The following NBEA variants were observed in gnomAD, a reference collection of about 807,000 sequenced individuals.
NBEA encodes the protein neurobeachin.
Under a neutral mutation model 343.4 loss-of-function variants are expected in NBEA, and 44 were observed. The ratio of observed to expected loss-of-function variants is 0.13; its 90% CI spans 0.10 to 0.16. The LOEUF is 0.16. NBEA is among the 10% of genes least tolerant of loss of function. NBEA has a pLI of 1.00. For synonymous variants in NBEA, 1,175 were observed against 1,238.7 expected (o/e 0.95, Z 1.08); for missense variants, 2,555 against 3,631.3 (o/e 0.70, Z 7.62).
chr13:35,607,914 A>G (rs1364298859), intron 48 of NBEA, among the ~76,000 whole-genome samples: 1 of 152,142 alleles, frequency 6.6e-6, no homozygotes, highest in Non-Finnish European at 1.5e-5. Flanking sequence ...AGCCCAAGGC[A>G]AACACAAATC....
intron 41 of NBEA, among the ~76,000 whole-genome samples, chr13:35,498,865 C>G (rs117218196): frequency 6.6e-6 from 1 of 151,992 alleles, no homozygotes; most frequent in Non-Finnish European, 1.5e-5. Context: ...CTGGTACAAA[C>G]GACATATACT....
intron 11 of NBEA, among the ~76,000 whole-genome samples, chr13:35,103,568 T>C (rs17051858): frequency 0.043 from 6,598 of 151,880 alleles, 256 homozygotes; most frequent in African/African-American, 0.099. Flanking sequence ...ACTTCTACAG[T>C]TTCCATGATC....
intron 38 of NBEA, among the ~76,000 whole-genome samples, chr13:35,353,168 G>A (rs900147846): frequency 6.6e-6 from 1 of 152,162 alleles, no homozygotes; most frequent in Admixed American, 6.6e-5. Context: ...TGGTGCGATG[G>A]CTCACGCCTG....
intron 38 of NBEA, among the ~76,000 whole-genome samples, chr13:35,421,721 TTC>T (rs1361322167): frequency 6.6e-6 from 1 of 152,126 alleles, no homozygotes; most frequent in Non-Finnish European, 1.5e-5. Context: ...GCAATAAATA[TTC>T]TGTTTTTTAC....
At chr13:35,280,082 A>T (rs1399925952) in intron 34 of NBEA, among the ~76,000 whole-genome samples, 1 of 152,278 alleles carries the variant, frequency 6.6e-6, no homozygotes, top group African/African-American at 2.4e-5. Context: ...ATTTATAGGG[A>T]TATACATGTT....
chr13:35,203,387 A>G (rs1233077757), intron 31 of NBEA, among the ~76,000 whole-genome samples: 1 of 152,024 alleles, frequency 6.6e-6, no homozygotes, highest in African/African-American at 2.4e-5. Flanking sequence ...TGTTCTCTCA[A>G]ATACTACCAT....
chr13:35,129,127 G>A (rs1253609048), intron 17 of NBEA, among the ~76,000 whole-genome samples: 1 of 151,152 alleles, frequency 6.6e-6, no homozygotes, highest in African/African-American at 2.4e-5. Flanking sequence ...GAGTTAATGG[G>A]TGCAGCACAC....
chr13:35,506,820 T>C (rs7333310), intron 41 of NBEA, among the ~76,000 whole-genome samples: 131,922 of 152,140 alleles, frequency 0.87, 57,663 homozygotes, highest in Non-Finnish European at 0.93. Flanking sequence ...TCTCAAATTA[T>C]AGAACCATTG....
chr13:35,568,998 GGTT>G (rs1434004397), intron 45 of NBEA, among the ~76,000 whole-genome samples: 1 of 152,114 alleles, frequency 6.6e-6, no homozygotes, highest in Non-Finnish European at 1.5e-5. Flanking sequence ...ATAATAATAG[GGTT>G]GTTGTGTGGA....
intron 38 of NBEA, among the ~76,000 whole-genome samples, chr13:35,369,993 A>C (rs1405072220): frequency 6.6e-6 from 1 of 151,966 alleles, no homozygotes; most frequent in South Asian, 2.1e-4. Context: ...AGAAGAATGC[A>C]TATTCCATAG....
chr13:35,398,368 A>G (rs1256588768), intron 38 of NBEA, among the ~76,000 whole-genome samples: 1 of 152,158 alleles, frequency 6.6e-6, no homozygotes, highest in African/African-American at 2.4e-5. Context: ...AATGTTCTTA[A>G]TGGCATTGAG....
At chr13:35,590,668 C>A (rs1000875953) in intron 46 of NBEA, among the ~76,000 whole-genome samples, 18 of 152,028 alleles carry the variant, frequency 1.2e-4, no homozygotes, top group African/African-American at 4.3e-4. Context: ...TTTTCACTCA[C>A]ATCTGTTTAA....
chr13:34,947,451 G>A (rs1474040633), intron 1 of NBEA, among the ~76,000 whole-genome samples: 2 of 151,890 alleles, frequency 1.3e-5, no homozygotes, highest in Non-Finnish European at 2.9e-5. Flanking sequence ...TGCCCGTTTT[G>A]TGTCACTGGT....
chr13:35,472,173 TCCTGAC>T, intron 40 of NBEA, among the ~76,000 whole-genome samples: 1 of 152,364 alleles, frequency 6.6e-6, no homozygotes, highest in East Asian at 1.9e-4. Context: ...TTATTCGGTA[TCCTGAC>T]CTCCTGGGTT....
chr13:35,205,645 A>C (rs1435770362), intron 31 of NBEA, among the ~76,000 whole-genome samples: 1 of 152,058 alleles, frequency 6.6e-6, no homozygotes, highest in African/African-American at 2.4e-5. Flanking sequence ...TGACAATAGC[A>C]GAGTATATGA....
chr13:35,165,406 A>G (rs1332713178), intron 24 of NBEA, among the ~76,000 whole-genome samples: 1 of 152,178 alleles, frequency 6.6e-6, no homozygotes, highest in Non-Finnish European at 1.5e-5. Context: ...AAGTCCACAA[A>G]GGGAAGCATT....
chr13:35,585,443 C>T (rs1038270590), intron 46 of NBEA, among the ~76,000 whole-genome samples: 5 of 152,056 alleles, frequency 3.3e-5, no homozygotes, highest in African/African-American at 1.2e-4. Context: ...TTTCAAGTTC[C>T]TTTTACAATA....
chr13:35,348,998 C>A, intron 36 of NBEA, 110 bp from the exon 37 acceptor site: 2 of 416,376 alleles, frequency 4.8e-6, no homozygotes, highest in South Asian at 1.1e-4. Flanking sequence ...TTATATCTAG[C>A]TTTATCTAAA....
intron 41 of NBEA, among the ~76,000 whole-genome samples, chr13:35,513,193 G>A (rs1020507263): frequency 2.7e-5 from 4 of 148,670 alleles, no homozygotes; most frequent in African/African-American, 7.5e-5. Flanking sequence ...CTGGAATGCA[G>A]TGGCGCAACC....
Sources: allele counts gnomAD v4.1 joint callset (sites outside exome capture counted in the v4.1 genomes callset), GRCh38; gene constraint gnomAD v4.1.1; transcripts MANE v1.5; gene names NCBI Gene and HGNC (gene_info 2026-07-23, HGNC 2026-07-21).